The following SCFD2 variants were observed in gnomAD, a reference collection of about 807,000 sequenced individuals.
The protein encoded by SCFD2 is sec1 family domain-containing protein 2.
In SCFD2, 54 loss-of-function variants were observed where a neutral mutation model predicts 58.9. The ratio of observed to expected loss-of-function variants is 0.92; its 90% CI spans 0.74 to 1.15. The LOEUF (loss-of-function observed/expected upper bound fraction) is 1.15. Among genes scored for constraint, SCFD2 ranks in the 50% most tolerant of loss-of-function variants. The pLI is 0.00. For synonymous variants in SCFD2, 321 were observed against 335.9 expected (o/e 0.96, Z 0.49); for missense variants, 805 against 836.6 (o/e 0.96, Z 0.47).
intron 4 of SCFD2, among the ~76,000 whole-genome samples, chr4:53,234,398 G>T (rs1199052143): frequency 6.6e-6 from 1 of 152,182 alleles, no homozygotes; most frequent in African/African-American, 2.4e-5. Context: ...CTTGGAAGTA[G>T]TAAAGTTTAT....
chr4:53,214,893 C>T (rs1728761415), intron 4 of SCFD2, among the ~76,000 whole-genome samples: 1 of 152,146 alleles, frequency 6.6e-6, no homozygotes, highest in Non-Finnish European at 1.5e-5. Flanking sequence ...TTCCCAGCAC[C>T]ATTTATTAAA....
intron 4 of SCFD2, among the ~76,000 whole-genome samples, chr4:53,164,323 C>A (rs559488783): frequency 7.2e-5 from 11 of 152,230 alleles, no homozygotes; most frequent in African/African-American, 2.4e-4. Context: ...CACTGCCTCA[C>A]CCCTACACAG....
At chr4:52,904,282 A>G (rs1480678187) in intron 7 of SCFD2, among the ~76,000 whole-genome samples, 1 of 152,198 alleles carries the variant, frequency 6.6e-6, no homozygotes, top group East Asian at 1.9e-4. Flanking sequence ...GAGCACAGGA[A>G]GGATTCCGCA....
intron 4 of SCFD2, among the ~76,000 whole-genome samples, chr4:53,164,639 C>G (rs1234039379): frequency 1.3e-5 from 2 of 151,898 alleles, no homozygotes; most frequent in Non-Finnish European, 1.5e-5. Flanking sequence ...ACTAAAAATA[C>G]AAAAATTAGC....
chr4:52,893,932 C>A (rs1374226503), intron 7 of SCFD2, among the ~76,000 whole-genome samples: 1 of 152,114 alleles, frequency 6.6e-6, no homozygotes, highest in Non-Finnish European at 1.5e-5. Flanking sequence ...ATCCCATGGG[C>A]CTCATAATAA....
chr4:53,335,428 C>T (rs1008934859), intron 2 of SCFD2, among the ~76,000 whole-genome samples: 13 of 152,084 alleles, frequency 8.5e-5, no homozygotes, highest in Non-Finnish European at 1.9e-4. Flanking sequence ...GTGAATGCAG[C>T]GTGTGCTTCT....
At chr4:53,302,536 T>C (rs1233194421) in intron 3 of SCFD2, among the ~76,000 whole-genome samples, 1 of 152,148 alleles carries the variant, frequency 6.6e-6, no homozygotes, top group Non-Finnish European at 1.5e-5. Flanking sequence ...CAAGGTAATT[T>C]ATAGATTCAA....
intron 5 of SCFD2, among the ~76,000 whole-genome samples, chr4:53,135,742 A>C (rs530047494): frequency 1.3e-5 from 2 of 149,978 alleles, no homozygotes; most frequent in South Asian, 4.2e-4. Flanking sequence ...CTCCATCTCA[A>C]AAAAAAAAAG....
At chr4:53,336,572 T>C (rs1159973112) in intron 2 of SCFD2, among the ~76,000 whole-genome samples, 1 of 152,164 alleles carries the variant, frequency 6.6e-6, no homozygotes, top group Non-Finnish European at 1.5e-5. Flanking sequence ...TTGCCCAGAC[T>C]GGAATACAGT....
chr4:52,986,496 T>C (rs1462567336), intron 5 of SCFD2, among the ~76,000 whole-genome samples: 1 of 137,884 alleles, frequency 7.3e-6, no homozygotes, highest in Non-Finnish European at 1.6e-5. Flanking sequence ...ATGAAATTTT[T>C]TTTTTTTTTT....
Position 53,010,339 on chromosome 4 carries a change from C to T in SCFD2, c.1562-89469G>A, listed in dbSNP as rs1393601768. Among the ~76,000 whole-genome samples, 3 of 152,190 alleles carry T rather than the reference C, an allele frequency of 2.0e-5. No homozygotes were observed. In the East Asian group the frequency reaches 5.8e-4, roughly 29 times the overall value. On this transcript the variant is annotated intron_variant, in intron 5 of 8. Transcript: ENST00000401642. The stretch of plus-strand genomic sequence containing the variant: ...AACTGTTTCTTAGGGCTTTGTACTG[C>T]TTCTTCAAGATACGACAAAAATTTA...
At chr4:53,254,287 C>T (rs902415366) in intron 4 of SCFD2, among the ~76,000 whole-genome samples, 2 of 152,012 alleles carry the variant, frequency 1.3e-5, no homozygotes, top group Non-Finnish European at 2.9e-5. Flanking sequence ...ATGCTGTTCT[C>T]AGGATAACGG....
chr4:52,932,260 T>C (rs1237448913), intron 5 of SCFD2, among the ~76,000 whole-genome samples: 1 of 152,216 alleles, frequency 6.6e-6, no homozygotes, highest in Non-Finnish European at 1.5e-5. Flanking sequence ...GCTTTTCTTA[T>C]TGGGTTACAA....
chr4:53,295,696 G>A (rs1371828420), intron 3 of SCFD2, among the ~76,000 whole-genome samples: 5 of 152,112 alleles, frequency 3.3e-5, no homozygotes, highest in Non-Finnish European at 4.4e-5. Flanking sequence ...GGTGAGAGAG[G>A]GCATACTTGT....
At position 53,293,975 on chromosome 4, in the gene SCFD2, G is replaced by C. The variant is rs779042907; in HGVS notation, c.1135+19661C>G. ...AACTCCGACTTATGACTGAGAACAT[G>C]CAATGTTTGGTTTTCTGTTTTTGTG... On this transcript the variant is annotated intron_variant, in intron 3 of 8. Coordinates refer to ENST00000401642, the MANE Select transcript of SCFD2 (RefSeq NM_152540.4). 3.3e-5 allele frequency among the ~76,000 whole-genome samples: 5 copies of C among 150,134 alleles called. 1 individual carries two copies. Among genetic ancestry groups the C allele is most frequent in the Non-Finnish European group, 5.9e-5 (4 of 67,668 alleles).
At chr4:53,028,528 T>C (rs1577670356) in intron 5 of SCFD2, among the ~76,000 whole-genome samples, 2 of 152,302 alleles carry the variant, frequency 1.3e-5, no homozygotes, top group East Asian at 3.9e-4. Flanking sequence ...TTTCGGTGAT[T>C]TCCTCATATT....
chr4:53,134,965 C>A (rs961399789), intron 5 of SCFD2, among the ~76,000 whole-genome samples: 5 of 152,076 alleles, frequency 3.3e-5, no homozygotes, highest in African/African-American at 1.2e-4. Context: ...CTATGAGAAG[C>A]CTACTTCCAC....
chr4:53,316,996 A>G (rs370091408), intron 2 of SCFD2, among the ~76,000 whole-genome samples: 9 of 151,560 alleles, frequency 5.9e-5, no homozygotes, highest in African/African-American at 2.2e-4. Context: ...AATCCCAGCT[A>G]CTCAGGAGGT....
intron 5 of SCFD2, among the ~76,000 whole-genome samples, chr4:53,108,031 C>T (rs1396138883): frequency 6.6e-6 from 1 of 152,124 alleles, no homozygotes; most frequent in Non-Finnish European, 1.5e-5. Context: ...TCTTTCAGAC[C>T]ACAGTGCAAT....
Sources: gnomAD v4.1 joint callset for allele counts (sites outside exome capture counted in the v4.1 genomes callset) on GRCh38, gnomAD v4.1.1 for gene constraint, MANE v1.5 for transcripts, NCBI Gene and HGNC (gene_info 2026-07-23, HGNC 2026-07-21) for gene names.